The following TRAPPC9 variants were observed in gnomAD, a reference collection of about 807,000 sequenced individuals.
TRAPPC9 encodes IKK2 binding protein.
In TRAPPC9, 83 loss-of-function variants were observed where a neutral mutation model predicts 124.0. The ratio of observed to expected loss-of-function variants is 0.67; its 90% CI spans 0.56 to 0.80. The LOEUF is 0.80. Ranked by LOEUF, TRAPPC9 falls within the 30% of genes least tolerant of loss-of-function variation. The pLI is 0.00. For synonymous variants in TRAPPC9, 638 were observed against 617.5 expected, an observed-to-expected ratio of 1.03 and a Z score of -0.49; for missense variants, 1,302 against 1,508.3, an observed-to-expected ratio of 0.86 and a Z score of 2.27.
In TRAPPC9 at chr8:139,989,039, C is replaced by A. The variant is rs75911378; in HGVS notation, c.2700-203G>T. Among the ~76,000 whole-genome samples, 567 of 152,246 alleles carry A rather than the reference C, an allele frequency of 3.7e-3. 4 individuals are homozygous for A. Among genetic ancestry groups the A allele is most frequent in the Admixed American group, 7.2e-3 (110 of 15,300 alleles). On this transcript the variant is annotated intron_variant, in intron 18 of 22. Coordinates refer to ENST00000438773, the MANE Select transcript of TRAPPC9 (RefSeq NM_001160372.4). ...TAAGGAGTGGGTGTAGGCATCAGGT[C>A]CTCATCAGGTCCTCCTTGGGCCCGG...
At chr8:140,200,723 G>A (rs1376307055) in intron 17 of TRAPPC9, among the ~76,000 whole-genome samples, 1 of 152,184 alleles carries the variant, frequency 6.6e-6, no homozygotes, top group African/African-American at 2.4e-5. Context: ...AAGACCCGGA[G>A]GATAGATGTC....
intron 10 of TRAPPC9, chr8:140,302,728 A>C (rs1209842773): frequency 6.6e-6 from 1 of 152,148 alleles, no homozygotes; most frequent in Non-Finnish European, 1.5e-5. Context: ...ATTCACAGGG[A>C]AACATATCCA....
intron 15 of TRAPPC9, among the ~76,000 whole-genome samples, chr8:140,264,215 G>A (rs2064534811): frequency 6.6e-6 from 1 of 152,162 alleles, no homozygotes; most frequent in Non-Finnish European, 1.5e-5. Flanking sequence ...AACCCCTCGG[G>A]TCCTGAGAAT....
intron 17 of TRAPPC9, among the ~76,000 whole-genome samples, chr8:140,217,889 C>T (rs915545528): frequency 1.7e-4 from 26 of 152,124 alleles, no homozygotes; most frequent in African/African-American, 4.8e-4. Context: ...TGGTGGTGCA[C>T]GCCTGTAATC....
At chr8:139,790,183 T>C (rs1266818446) in intron 21 of TRAPPC9, among the ~76,000 whole-genome samples, 1 of 152,226 alleles carries the variant, frequency 6.6e-6, no homozygotes, top group African/African-American at 2.4e-5. Context: ...TTAATGGCTT[T>C]AATGCCTATG....
chr8:140,369,104 C>T (rs1008380899), intron 8 of TRAPPC9, among the ~76,000 whole-genome samples: 9 of 152,162 alleles, frequency 5.9e-5, no homozygotes, highest in African/African-American at 2.2e-4. Context: ...TACTATCTGG[C>T]CCTTTACAGA....
chr8:140,138,781 A>T (rs2061341769), intron 17 of TRAPPC9, among the ~76,000 whole-genome samples: 1 of 152,152 alleles, frequency 6.6e-6, no homozygotes, highest in South Asian at 2.1e-4. Context: ...GCAAACAAAC[A>T]GGTTGGTGCC....
intron 17 of TRAPPC9, among the ~76,000 whole-genome samples, chr8:140,215,574 A>C (rs1036212802): frequency 1.3e-5 from 2 of 150,838 alleles, no homozygotes; most frequent in African/African-American, 2.4e-5. Context: ...TGAACCCGGG[A>C]GGCAGAGGTT....
chr8:139,859,386 T>A (rs892027472), intron 21 of TRAPPC9, among the ~76,000 whole-genome samples: 4 of 152,214 alleles, frequency 2.6e-5, no homozygotes, highest in African/African-American at 9.7e-5. Context: ...GACATTTAGT[T>A]AAGGCAGCGC....
At chr8:140,168,065 C>T (rs1338993075) in intron 17 of TRAPPC9, among the ~76,000 whole-genome samples, 1 of 152,220 alleles carries the variant, frequency 6.6e-6, no homozygotes, top group Non-Finnish European at 1.5e-5. Flanking sequence ...GCCATCATCT[C>T]CCACTCCCCA....
chr8:139,871,252 C>T (rs907723758), intron 21 of TRAPPC9, among the ~76,000 whole-genome samples: 3 of 152,142 alleles, frequency 2.0e-5, no homozygotes, highest in Non-Finnish European at 4.4e-5. Context: ...CTGGGCCCAC[C>T]TTGGGTAGGC....
intron 21 of TRAPPC9, among the ~76,000 whole-genome samples, chr8:139,884,401 G>A (rs573475297): frequency 2.6e-5 from 4 of 152,242 alleles, no homozygotes; most frequent in Admixed American, 6.5e-5. Context: ...CAGAAGGGAG[G>A]AGCCCACCTG....
intron 21 of TRAPPC9, among the ~76,000 whole-genome samples, chr8:139,822,607 C>T (rs1825324430): frequency 6.6e-6 from 1 of 151,080 alleles, no homozygotes; most frequent in Admixed American, 6.6e-5. Flanking sequence ...ACCTGAGAGC[C>T]AAGAGCCGTA....
intron 18 of TRAPPC9, among the ~76,000 whole-genome samples, chr8:140,014,094 A>G (rs1200614507): frequency 6.6e-6 from 1 of 152,192 alleles, no homozygotes; most frequent in Non-Finnish European, 1.5e-5. Flanking sequence ...AGCTGTCCCC[A>G]CCACACAGGG....
At chr8:139,866,526 A>G (rs1286040608) in intron 21 of TRAPPC9, among the ~76,000 whole-genome samples, 1 of 152,090 alleles carries the variant, frequency 6.6e-6, no homozygotes, top group Non-Finnish European at 1.5e-5. Context: ...ACCCGTTGAG[A>G]GCCTAGGAGT....
chr8:139,750,323 C>G (rs1335168005), intron 21 of TRAPPC9, among the ~76,000 whole-genome samples: 1 of 152,212 alleles, frequency 6.6e-6, no homozygotes, highest in African/African-American at 2.4e-5. Flanking sequence ...TTACCAGACC[C>G]TGGAGGCAAA....
At chr8:139,898,756 AC>A (rs1830824818) in intron 20 of TRAPPC9, among the ~76,000 whole-genome samples, 1 of 152,192 alleles carries the variant, frequency 6.6e-6, no homozygotes, top group Non-Finnish European at 1.5e-5. Flanking sequence ...GCTCTCTCCA[AC>A]AGTATCAGAT....
At chr8:140,046,857 A>G (rs1841629456) in intron 17 of TRAPPC9, among the ~76,000 whole-genome samples, 1 of 152,194 alleles carries the variant, frequency 6.6e-6, no homozygotes, top group African/African-American at 2.4e-5. Context: ...CAAGCAACCA[A>G]CCTGGGCACA....
chr8:140,439,434 A>G (rs1325213222), intron 2 of TRAPPC9, among the ~76,000 whole-genome samples: 1 of 152,238 alleles, frequency 6.6e-6, no homozygotes, highest in African/African-American at 2.4e-5. Context: ...GACTTCTACC[A>G]TGTCTTTCAC....
Sources: gnomAD v4.1 joint callset for allele counts (sites outside exome capture counted in the v4.1 genomes callset) on GRCh38, gnomAD v4.1.1 for gene constraint, MANE v1.5 for transcripts, NCBI Gene and HGNC (gene_info 2026-07-23, HGNC 2026-07-21) for gene names.